IFT88: variants seen among roughly 807,000 people sequenced by gnomAD.
IFT88 encodes intraflagellar transport 88, also known as intraflagellar transport protein 88 homolog.
IFT88 carries 74 observed loss-of-function variants against 119.5 expected under a neutral mutation model. That is an observed-to-expected ratio of 0.62 (90% CI 0.51 to 0.75). The LOEUF is 0.75. IFT88 is among the 30% of genes least tolerant of loss of function. The pLI, the probability that IFT88 is intolerant of heterozygous loss-of-function variation, is 0.00. For synonymous variants in IFT88, 279 were observed against 316.7 expected (o/e 0.88, Z 1.26); for missense variants, 961 against 977.7 (o/e 0.98, Z 0.23).
At chr13:20,628,033 G>A (rs2047629275) in intron 15 of IFT88, among the ~76,000 whole-genome samples, 1 of 151,944 alleles carries the variant, frequency 6.6e-6, no homozygotes. Flanking sequence ...TTATGAGGTA[G>A]GTATAATACA....
chr13:20,632,370 G>A (rs1387238145), intron 16 of IFT88, among the ~76,000 whole-genome samples: 1 of 152,048 alleles, frequency 6.6e-6, no homozygotes, highest in Non-Finnish European at 1.5e-5. Context: ...GAGGTTGCAG[G>A]GCCAAGGAAG....
chr13:20,656,122 T>TAAAAAAA (rs60352862), intron 21 of IFT88, among the ~76,000 whole-genome samples: 6 of 104,776 alleles, frequency 5.7e-5, no homozygotes, highest in Admixed American at 2.5e-4. Flanking sequence ...CTCGTCTCTT[T>TAAAAAAA]AAAAAAAAAA....
Position 20,631,036 on chromosome 13 carries a change from G to A in IFT88, c.1320G>A (p.Val440=). Residue 440 remains valine, a synonymous_variant, in exon 16 of 26, where the codon GTG becomes GTA. Transcript: ENST00000351808. ...DYNQAVEILK[V]LEKKDSRVKS... ...TCTAGGCTGTAGAGATCTTAAAAGT[G>A]TTGGAAAAAAAGGACAGTAGAGTGA... is the stretch of plus-strand genomic sequence containing the variant. 1.3e-6 allele frequency: 2 copies of A among 1,596,720 alleles called. No individual in the cohort carries two copies. The highest frequency in any genetic ancestry group is 1.7e-6 in the Non-Finnish European group (2 of 1,164,256).
chr13:20,604,941 G>A, intron 12 of IFT88, 94 bp from the exon 13 acceptor site: 3 of 621,224 alleles, frequency 4.8e-6, no homozygotes, highest in Non-Finnish European at 5.8e-6. Flanking sequence ...GGGCAATAGA[G>A]TGAGGCTGTA....
At chr13:20,648,423 T>C (rs1440700640) in intron 20 of IFT88, among the ~76,000 whole-genome samples, 1 of 152,046 alleles carries the variant, frequency 6.6e-6, no homozygotes, top group Non-Finnish European at 1.5e-5. Flanking sequence ...ATAAAATAAG[T>C]TTGTATTGTT....
At chr13:20,669,377 A>G (rs1370896010) in intron 23 of IFT88, among the ~76,000 whole-genome samples, 2 of 152,048 alleles carry the variant, frequency 1.3e-5, no homozygotes. Flanking sequence ...TGGTTTTAAA[A>G]ACTGTCAAGC....
intron 25 of IFT88, 77 bp from the exon 26 acceptor site, chr13:20,690,977 G>T: frequency 1.9e-6 from 3 of 1,541,450 alleles, no homozygotes; most frequent in South Asian, 2.3e-5. Flanking sequence ...TATTCATTTT[G>T]ACTATGAGCC....
intron 13 of IFT88, among the ~76,000 whole-genome samples, chr13:20,613,202 C>T (rs1044989934): frequency 6.6e-6 from 1 of 152,026 alleles, no homozygotes; most frequent in Non-Finnish European, 1.5e-5. Flanking sequence ...TGAGAGGGGA[C>T]TTATTTCTAG....
intron 24 of IFT88, among the ~76,000 whole-genome samples, chr13:20,686,237 GAAT>G (rs1273997690): frequency 6.6e-5 from 10 of 152,272 alleles, no homozygotes; most frequent in African/African-American, 2.4e-4. Flanking sequence ...GGAGTGCAGT[GAAT>G]AATAATCATC....
intron 16 of IFT88, among the ~76,000 whole-genome samples, chr13:20,632,439 T>TA (rs1219840711): frequency 6.6e-6 from 1 of 152,182 alleles, no homozygotes; most frequent in Non-Finnish European, 1.5e-5. Flanking sequence ...TAAACTATTA[T>TA]AAGGCTACCA....
At chr13:20,672,243 G>A (rs2056005535) in intron 24 of IFT88, among the ~76,000 whole-genome samples, 1 of 152,188 alleles carries the variant, frequency 6.6e-6, no homozygotes, top group African/African-American at 2.4e-5. Flanking sequence ...ACAGCCATCA[G>A]TGGCATCGGG....
At chr13:20,598,621 GTGTCT>G (rs1192400503) in intron 9 of IFT88, 25 bp from the exon 10 acceptor site, 1 of 1,419,276 alleles carries the variant, frequency 7.0e-7, no homozygotes, top group Non-Finnish European at 9.9e-7. Flanking sequence ...GTGGTCTTAT[GTGTCT>G]TTTCTATAAT....
At chr13:20,676,044 C>G (rs1037412687) in intron 24 of IFT88, among the ~76,000 whole-genome samples, 11 of 152,194 alleles carry the variant, frequency 7.2e-5, no homozygotes, top group Non-Finnish European at 1.6e-4. Flanking sequence ...TATCAGTGAA[C>G]TTCTCTTAAA....
intron 17 of IFT88, among the ~76,000 whole-genome samples, chr13:20,640,456 C>T (rs2049730641): frequency 6.6e-6 from 1 of 151,910 alleles, no homozygotes; most frequent in Non-Finnish European, 1.5e-5. Flanking sequence ...GCCTGTAGTC[C>T]CAGCTACTCA....
intron 21 of IFT88, among the ~76,000 whole-genome samples, chr13:20,655,441 CAAA>C (rs71778307): frequency 7.8e-6 from 1 of 128,278 alleles, no homozygotes. Flanking sequence ...GACTCCATCT[CAAA>C]AAAAAAAAAA....
chr13:20,627,913 C>A (rs567236737), intron 15 of IFT88, among the ~76,000 whole-genome samples: 1 of 152,180 alleles, frequency 6.6e-6, no homozygotes, highest in African/African-American at 2.4e-5. Context: ...TTTGCATTTT[C>A]AAGTTTTTAA....
intron 16 of IFT88, among the ~76,000 whole-genome samples, chr13:20,634,796 T>C (rs532341598): frequency 4.6e-5 from 4 of 87,734 alleles, no homozygotes; most frequent in Admixed American, 2.9e-4. Context: ...ATCCAAAGAT[T>C]TCTTTATTTT....
At chr13:20,676,230 G>A (rs1433733389) in intron 24 of IFT88, among the ~76,000 whole-genome samples, 2 of 152,046 alleles carry the variant, frequency 1.3e-5, no homozygotes, top group Non-Finnish European at 2.9e-5. Context: ...CAACATCCAT[G>A]GACCACCTTC....
chr13:20,630,864 C>T, intron 15 of IFT88, 152 bp from the exon 16 acceptor site: 1 of 465,950 alleles, frequency 2.1e-6, no homozygotes, highest in East Asian at 3.3e-5. Flanking sequence ...ATGAAATTAT[C>T]TTCTTGTAAT....
Sources: allele counts gnomAD v4.1 joint callset (sites outside exome capture counted in the v4.1 genomes callset), GRCh38; gene constraint gnomAD v4.1.1; transcripts MANE v1.5; gene names NCBI Gene and HGNC (gene_info 2026-07-23, HGNC 2026-07-21).